The following QPCTL variants were observed in gnomAD, a reference collection of about 807,000 sequenced individuals.
The protein encoded by QPCTL is glutaminyl-peptide cyclotransferase like.
Under a neutral mutation model 34.6 loss-of-function variants are expected in QPCTL, and 31 were observed. That is an observed-to-expected ratio of 0.90 (90% CI 0.67 to 1.21). The LOEUF is 1.21. Among genes scored for constraint, QPCTL ranks in the 50% most tolerant of loss-of-function variants. The probability of loss-of-function intolerance (pLI) is 0.00; values close to 1 mark genes in which losing one functional copy is unlikely to be tolerated. For missense variants in QPCTL, 474 were observed against 507.8 expected, an observed-to-expected ratio of 0.93 and a Z score of 0.64; for synonymous variants, 223 against 226.9, an observed-to-expected ratio of 0.98 and a Z score of 0.15.
chr19:45,702,217 T>C (rs1427425111), intron 6 of QPCTL, among the ~76,000 whole-genome samples: 4 of 151,672 alleles, frequency 2.6e-5, no homozygotes, highest in Admixed American at 6.6e-5. Context: ...TTTGGGAGGC[T>C]GAGCGGGGTG....
At position 45,703,982 on chromosome 19, in the gene QPCTL, T is replaced by A. The variant is rs1348996809; in HGVS notation, c.*933T>A. ...AATAAATAAATAAATAAATATTTTT[T>A]AAAAAGAGTAAAAGACTAAAAGACT... is the stretch of plus-strand genomic sequence containing the variant. On this transcript the variant is annotated 3_prime_UTR_variant, in exon 7 of 7. Coordinates refer to ENST00000012049, the MANE Select transcript of QPCTL (RefSeq NM_017659.4). The A allele has an allele frequency of 6.6e-6, 1 of 151,520 alleles. No homozygotes were observed. The highest frequency in any genetic ancestry group is 1.5e-5 in the Non-Finnish European group (1 of 67,924). The allele number at this position is 151,520 out of a possible 1,614,324, so 9.4% of individuals were successfully genotyped here. A position where few individuals can be genotyped will look rare whatever the true frequency, so the allele number is the denominator to read the frequency against.
intron 2 of QPCTL, 86 bp from the exon 3 acceptor site, chr19:45,695,351 T>G: frequency 4.7e-6 from 6 of 1,275,930 alleles, no homozygotes; most frequent in Non-Finnish European, 6.6e-6. Flanking sequence ...TCAACCCATC[T>G]GCTCTGCATG....
chr19:45,699,931 C>A (rs1406138372), intron 5 of QPCTL, among the ~76,000 whole-genome samples: 89 of 90,022 alleles, frequency 9.9e-4, no homozygotes, highest in South Asian at 1.6e-3. Flanking sequence ...GACTCCATCT[C>A]AAAAAAAAAA....
In QPCTL at chr19:45,698,111, C is replaced by T. The variant is rs578012133; in HGVS notation, c.634-436C>T. On this transcript the variant is annotated intron_variant, in intron 3 of 6. Transcript: ENST00000012049. ...TACAAAAATTAGCCAGGCATGATAG[C>T]GGGAACCTGTGGTCACAGCTGTATG... Among the ~76,000 whole-genome samples, 8 of 151,986 alleles carry T rather than the reference C, an allele frequency of 5.3e-5. No individual in the cohort carries two copies. The South Asian group carries it at 1.0e-3, about 20-fold the overall frequency.
Position 45,692,691 on chromosome 19 carries a change from G to A in QPCTL, c.-13G>A, listed in dbSNP as rs762726664. On this transcript the variant is annotated 5_prime_UTR_variant, in exon 1 of 7. Coordinates refer to ENST00000012049, the MANE Select transcript of QPCTL (RefSeq NM_017659.4). ...AATCCGTGGTCTGGTACAGGTTTCA[G>A]GGCAAAGCGGCCATGCGTTCCGGGG... The A allele has an allele frequency of 3.9e-6, 6 of 1,530,252 alleles. No homozygotes were observed. In the African/African-American group the frequency reaches 5.6e-5, roughly 14 times the overall value. The allele number at this position is 1,530,252 out of a possible 1,614,324, so 94.8% of individuals were successfully genotyped here.
At chr19:45,698,769 C>CG (rs1967754269) in intron 4 of QPCTL, 32 bp from the exon 5 acceptor site, 1 of 1,613,094 alleles carries the variant, frequency 6.2e-7, no homozygotes, top group Non-Finnish European at 8.5e-7. Flanking sequence ...TCATCCTGCA[C>CG]GGGCCCCTCC....
intron 6 of QPCTL, among the ~76,000 whole-genome samples, chr19:45,702,337 C>G (rs916904264): frequency 1.4e-4 from 22 of 151,832 alleles, no homozygotes; most frequent in Non-Finnish European, 1.2e-4. Context: ...GTGGTTCACA[C>G]CTATAGTCCC....
intron 6 of QPCTL, 54 bp downstream of exon 6, chr19:45,701,968 G>A: frequency 2.1e-6 from 3 of 1,452,270 alleles, no homozygotes; most frequent in Non-Finnish European, 1.9e-6. Context: ...CCACAAATTG[G>A]AACTGGCCAA....
chr19:45,695,868 G>A lies in QPCTL; in HGVS notation c.633+150G>A, dbSNP rs572391887. 6.2e-5 allele frequency: 64 copies of A among 1,030,534 alleles called. No individual in the cohort carries two copies. In the Middle Eastern group the frequency reaches 1.3e-3, roughly 21 times the overall value. The allele number at this position is 1,030,534 out of a possible 1,614,324, so 63.8% of individuals were successfully genotyped here. The stretch of plus-strand genomic sequence containing the variant: ...GGGATCTTTTTTTTTTTTTTGAGAC[G>A]GAGTTTCGCTCTTGTTCCCCAGGAT... On this transcript the variant is annotated intron_variant, in intron 3 of 6. Transcript: ENST00000012049.
intron 5 of QPCTL, 39 bp downstream of exon 5, chr19:45,698,939 G>T (rs1397481189): frequency 1.9e-6 from 3 of 1,575,236 alleles, no homozygotes; most frequent in South Asian, 2.2e-5. Flanking sequence ...GCCCACCTGG[G>T]GTATGGGGTA....
intron 5 of QPCTL, 36 bp from the exon 6 acceptor site, chr19:45,701,762 G>T (rs1055340392): frequency 5.9e-6 from 9 of 1,536,156 alleles, no homozygotes; most frequent in Non-Finnish European, 7.2e-6. Context: ...GACTACTAAG[G>T]ACTAACCCTT....
intron 2 of QPCTL, 117 bp from the exon 3 acceptor site, chr19:45,695,320 A>T: frequency 1.1e-6 from 1 of 913,596 alleles, no homozygotes; most frequent in Non-Finnish European, 1.6e-6. Context: ...AAATCCATTC[A>T]ATCAGAGTGG....
At position 45,698,887 on chromosome 19, in the gene QPCTL, G is replaced by C; in HGVS notation, c.873G>C (p.Arg291=). Residue 291 remains arginine, a synonymous_variant, in exon 5 of 7, where the codon CGG becomes CGC. Transcript: ENST00000012049. ...CTCGCACGGTCCGCTGGTTCCATCGGCTGAGGAGCATTGGTAAGGGTGAAT... is the reference window on the plus strand; with the variant it reads ...CTCGCACGGTCCGCTGGTTCCATCGCCTGAGGAGCATTGGTAAGGGTGAAT... ...HFPRTVRWFH[R]LRSIEKRLHR... is the part of the protein sequence containing the mutation. 6.2e-7 allele frequency: 1 copy of C among 1,613,926 alleles called. No homozygotes were observed.
At position 45,695,419 on chromosome 19, in the gene QPCTL, CCT is replaced by C. The variant is rs757504268; in HGVS notation, c.352-11_352-10del. The C allele has an allele frequency of 4.1e-5, 65 of 1,600,450 alleles. No homozygotes were observed. The East Asian group carries it at 1.4e-3, about 35-fold the overall frequency. On this transcript the variant is annotated splice_polypyrimidine_tract_variant and intron_variant, in intron 2 of 6. Transcript: ENST00000012049. ...TCCCCAGTCCCCGTCCACCCTCCCA[CCT>C]CTCTCTTGCCGCTAGTTCCTGGAGG...
At chr19:45,695,292 A>C in intron 2 of QPCTL, 145 bp from the exon 3 acceptor site, 1 of 806,108 alleles carries the variant, frequency 1.2e-6, no homozygotes, top group Non-Finnish European at 1.9e-6. Context: ...TCTCAAAAAA[A>C]AAAAGAAAGA....
intron 6 of QPCTL, 107 bp downstream of exon 6, chr19:45,702,021 C>T: frequency 1.3e-6 from 1 of 793,344 alleles, no homozygotes; most frequent in South Asian, 1.6e-5. Context: ...GTGGCCTTAA[C>T]CTCTTTGTGC....
chr19:45,695,146 C>T (rs891993564), intron 2 of QPCTL, among the ~76,000 whole-genome samples: 11 of 151,882 alleles, frequency 7.2e-5, no homozygotes, highest in African/African-American at 2.4e-4. Context: ...AATAGCCAGG[C>T]GTTGTAGGGG....
In QPCTL at chr19:45,695,439, C is replaced by T; in HGVS notation, c.354C>T (p.Phe118=). The change falls in exon 3 of 7, where the codon TTC becomes TTT. Residue 118 remains phenylalanine (F), a splice_region_variant and synonymous_variant. Transcript: ENST00000012049. The part of the protein sequence containing the change: ...GSPGNLQVRK[F]LEATLRSLTA... ...TCCCACCTCTCTCTTGCCGCTAGTT[C>T]CTGGAGGCCACGCTGCGGTCCCTGA... 1.3e-6 allele frequency: 2 copies of T among 1,516,964 alleles called. No individual in the cohort carries two copies. Among genetic ancestry groups the T allele is most frequent in the Non-Finnish European group, 1.8e-6 (2 of 1,118,804 alleles). The allele number at this position is 1,516,964 out of a possible 1,614,324, so 94.0% of individuals were successfully genotyped here.
intron 3 of QPCTL, among the ~76,000 whole-genome samples, chr19:45,697,643 C>G (rs925898521): frequency 6.6e-6 from 1 of 152,044 alleles, no homozygotes; most frequent in African/African-American, 2.4e-5. Flanking sequence ...GCTGGGAATA[C>G]TCTTCCTCCT....
Sources: allele counts gnomAD v4.1 joint callset (sites outside exome capture counted in the v4.1 genomes callset), GRCh38; gene constraint gnomAD v4.1.1; transcripts MANE v1.5; gene names NCBI Gene and HGNC (gene_info 2026-07-23, HGNC 2026-07-21).